MGAT5: variants seen among roughly 807,000 people sequenced by gnomAD.
MGAT5 encodes alpha-1,6-mannosylglycoprotein 6-beta-N-acetylglucosaminyltransferase.
MGAT5 carries 30 observed loss-of-function variants against 94.3 expected under a neutral mutation model. The observed-to-expected ratio is 0.32, with a 90% CI of 0.24 to 0.43. The LOEUF (loss-of-function observed/expected upper bound fraction) is 0.43. Among genes scored for constraint, MGAT5 ranks in the 20% least tolerant of loss-of-function variants. MGAT5 has a pLI of 1.00. For missense variants in MGAT5, 691 were observed against 905.5 expected (o/e 0.76, Z 3.04); for synonymous variants, 310 against 322.9 (o/e 0.96, Z 0.43).
intron 1 of MGAT5, among the ~76,000 whole-genome samples, chr2:134,130,198 G>GCCCGCCCCGC (rs1232003327): frequency 6.3e-4 from 52 of 82,916 alleles, no homozygotes; most frequent in South Asian, 3.6e-3. Context: ...CCATGCTGGA[G>GCCCGCCCCGC]CCCGCCCCGC....
intron 15 of MGAT5, among the ~76,000 whole-genome samples, chr2:134,447,215 C>A (rs193214391): frequency 6.6e-6 from 1 of 152,330 alleles, no homozygotes; most frequent in Non-Finnish European, 1.5e-5. Flanking sequence ...CCATCCTCAT[C>A]CCCTCCGTGT....
chr2:134,317,544 C>T lies in MGAT5; in HGVS notation c.422C>T (p.Ala141Val). ...TTCTTCACAGATATCATTAACGGAGCTCAAGAAAAATGTGTATTGCCTCCT... is the reference window on the plus strand; with the variant it reads ...TTCTTCACAGATATCATTAACGGAGTTCAAGAAAAATGTGTATTGCCTCCT... Reference protein sequence around the residue: ...KINVADIINGAQEKCVLPPMD... With the variant: ...KINVADIINGVQEKCVLPPMD... Residue 141 changes from alanine (A) to valine (V), a missense_variant, in exon 3 of 16, where the codon GCT becomes GTT. Coordinates refer to ENST00000281923, the MANE Select transcript of MGAT5 (RefSeq NM_002410.5). The T allele has an allele frequency of 1.3e-6, 2 of 1,568,804 alleles. No individual in the cohort carries two copies. Among genetic ancestry groups the T allele is most frequent in the Non-Finnish European group, 1.7e-6 (2 of 1,159,274 alleles).
intron 4 of MGAT5, among the ~76,000 whole-genome samples, chr2:134,329,758 A>G (rs1355357434): frequency 6.6e-6 from 1 of 151,976 alleles, no homozygotes; most frequent in South Asian, 2.1e-4. Flanking sequence ...GTACATCGCA[A>G]CTTTTATTCT....
intron 1 of MGAT5, among the ~76,000 whole-genome samples, chr2:134,245,370 G>A (rs936485522): frequency 2.0e-5 from 3 of 152,154 alleles, no homozygotes; most frequent in African/African-American, 7.2e-5. Context: ...TCTCTCAACT[G>A]TGAATATCGT....
chr2:134,270,626 T>G, intron 2 of MGAT5, 76 bp downstream of exon 2: 1 of 1,384,776 alleles, frequency 7.2e-7, no homozygotes, highest in Admixed American at 2.1e-5. Context: ...AGGAGAGCAG[T>G]GGTTCTTACT....
intron 1 of MGAT5, among the ~76,000 whole-genome samples, chr2:134,207,576 TAAA>T (rs200009308): frequency 1.4e-5 from 2 of 142,466 alleles, no homozygotes; most frequent in Non-Finnish European, 1.5e-5. Context: ...ACTGAAAGGT[TAAA>T]AAAAAAAAAA....
intron 1 of MGAT5, among the ~76,000 whole-genome samples, chr2:134,137,888 CT>C (rs752475959): frequency 1.7e-3 from 212 of 126,546 alleles, no homozygotes; most frequent in African/African-American, 2.1e-3. Context: ...CCTTTCTTTT[CT>C]TTTTTTTTTT....
intron 1 of MGAT5, among the ~76,000 whole-genome samples, chr2:134,264,692 A>G (rs1364235892): frequency 6.6e-6 from 1 of 152,216 alleles, no homozygotes; most frequent in Non-Finnish European, 1.5e-5. Flanking sequence ...AAAATATATA[A>G]TTGATGAAAC....
At chr2:134,374,412 G>C (rs959523486) in intron 10 of MGAT5, among the ~76,000 whole-genome samples, 2 of 152,164 alleles carry the variant, frequency 1.3e-5, no homozygotes, top group African/African-American at 4.8e-5. Context: ...AACAGAGCTT[G>C]TTGATGGAGT....
intron 10 of MGAT5, among the ~76,000 whole-genome samples, chr2:134,370,722 A>G (rs1203654477): frequency 6.6e-6 from 1 of 152,278 alleles, no homozygotes; most frequent in Admixed American, 6.5e-5. Flanking sequence ...CCTGTTCTCT[A>G]AATTCAAGGA....
chr2:134,420,164 G>T (rs531179133), intron 12 of MGAT5, among the ~76,000 whole-genome samples: 1 of 152,256 alleles, frequency 6.6e-6, no homozygotes, highest in East Asian at 1.9e-4. Flanking sequence ...CCAGCTGTGG[G>T]GTCTTAGGGG....
intron 4 of MGAT5, among the ~76,000 whole-genome samples, chr2:134,334,602 A>G (rs1688228340): frequency 6.8e-6 from 1 of 148,086 alleles, no homozygotes; most frequent in Non-Finnish European, 1.5e-5. Flanking sequence ...TGTTATAAAT[A>G]TGCTTTATTG....
intron 1 of MGAT5, among the ~76,000 whole-genome samples, chr2:134,188,418 G>A (rs1689153758): frequency 6.6e-6 from 1 of 152,254 alleles, no homozygotes; most frequent in Non-Finnish European, 1.5e-5. Flanking sequence ...ATGCCTCAGT[G>A]CTCTCATCTG....
chr2:134,254,754 C>T lies in MGAT5; in HGVS notation c.241+110C>T, dbSNP rs1682827524. 2.8e-6 allele frequency: 4 copies of T among 1,410,506 alleles called. No individual in the cohort carries two copies. In the Admixed American group the frequency reaches 6.5e-5, roughly 23 times the overall value. 87.4% of individuals were successfully genotyped at this position (1,410,506 alleles called of 1,614,324 possible). A position where few individuals can be genotyped will look rare whatever the true frequency, so the allele number is the denominator to read the frequency against. ...TGGACTGAATGTCCTTTGCCACTGC[C>T]TTCATAAGCAGTGAATTGCACACAG... On this transcript the variant is annotated intron_variant, in intron 1 of 15. Coordinates refer to ENST00000281923, the MANE Select transcript of MGAT5 (RefSeq NM_002410.5).
rs149205035 is a variant in MGAT5, at chr2:134,241,136, C to T, written c.-142-13126C>T. Among the ~76,000 whole-genome samples, 224 of 152,360 alleles carry T rather than the reference C, an allele frequency of 1.5e-3. 1 individual carries two copies. Among genetic ancestry groups the T allele is most frequent in the Non-Finnish European group, 2.0e-3 (133 of 68,032 alleles). On this transcript the variant is annotated intron_variant, in intron 1 of 16. Coordinates refer to the MGAT5 transcript ENST00000409645. Reference sequence around the variant, plus strand: ...ATCTTCATAGCCACCCAGGTGATGGCTGAGCATCTGTGGGTGGGCTCTGCC... The same window carrying T: ...ATCTTCATAGCCACCCAGGTGATGGTTGAGCATCTGTGGGTGGGCTCTGCC...
chr2:134,151,631 A>G (rs1366203519), intron 1 of MGAT5, among the ~76,000 whole-genome samples: 39 of 57,374 alleles, frequency 6.8e-4, no homozygotes, highest in East Asian at 1.2e-3. Context: ...CTCACGCCCT[A>G]TGGGAGCCTC....
intron 1 of MGAT5, among the ~76,000 whole-genome samples, chr2:134,215,926 G>C (rs1438217364): frequency 6.6e-6 from 1 of 152,170 alleles, no homozygotes; most frequent in Non-Finnish European, 1.5e-5. Flanking sequence ...TTAGTCTGTG[G>C]TTTTAATCCC....
intron 14 of MGAT5, among the ~76,000 whole-genome samples, chr2:134,437,000 G>GT (rs532194290): frequency 1.3e-5 from 2 of 152,124 alleles, no homozygotes; most frequent in African/African-American, 2.4e-5. Context: ...CTTTTGTTTT[G>GT]TTTTTTGACA....
At chr2:134,335,867 A>G (rs1194833392) in intron 4 of MGAT5, among the ~76,000 whole-genome samples, 1 of 152,124 alleles carries the variant, frequency 6.6e-6, no homozygotes, top group Non-Finnish European at 1.5e-5. Context: ...TTACATTCTC[A>G]TTCCCCAGTG....
Sources: allele counts gnomAD v4.1 joint callset (sites outside exome capture counted in the v4.1 genomes callset), GRCh38; gene constraint gnomAD v4.1.1; transcripts MANE v1.5; gene names NCBI Gene and HGNC (gene_info 2026-07-23, HGNC 2026-07-21).